Variants in DPP10 observed in about 807,000 individuals in gnomAD.
The protein encoded by DPP10 is inactive dipeptidyl peptidase 10.
In DPP10, 33 loss-of-function variants were observed where a neutral mutation model predicts 120.9. The observed-to-expected ratio is 0.27, with a 90% CI of 0.21 to 0.37. The LOEUF (loss-of-function observed/expected upper bound fraction) is 0.37, where lower values mean the gene tolerates loss of function less well. Among genes scored for constraint, DPP10 ranks in the 10% least tolerant of loss-of-function variants. DPP10 has a pLI of 1.00. For synonymous variants in DPP10, 337 were observed against 326.1 expected (o/e 1.03, Z -0.36); for missense variants, 816 against 942.8 (o/e 0.87, Z 1.76).
intron 1 of DPP10, among the ~76,000 whole-genome samples, chr2:114,892,970 C>T (rs549738604): frequency 6.6e-6 from 1 of 152,294 alleles, no homozygotes; most frequent in South Asian, 2.1e-4. Context: ...AACCAATGCT[C>T]ATTTGACACA....
At chr2:115,432,631 G>A (rs556803420) in intron 3 of DPP10, among the ~76,000 whole-genome samples, 1 of 148,322 alleles carries the variant, frequency 6.7e-6, no homozygotes, top group South Asian at 2.1e-4. Context: ...ACTTTTGAGA[G>A]ATCCTTGTTT....
At chr2:115,548,929 C>T (rs979193139) in intron 5 of DPP10, among the ~76,000 whole-genome samples, 12 of 152,134 alleles carry the variant, frequency 7.9e-5, no homozygotes, top group African/African-American at 2.9e-4. Flanking sequence ...TTCTATTTCT[C>T]TTAAAGGTAC....
chr2:115,217,378 A>AT (rs1426062445), intron 1 of DPP10, among the ~76,000 whole-genome samples: 1 of 152,180 alleles, frequency 6.6e-6, no homozygotes, highest in Admixed American at 6.5e-5. Context: ...CTCATTCAAT[A>AT]TTAATTCTGT....
At chr2:114,825,598 T>A (rs556989739) in intron 1 of DPP10, among the ~76,000 whole-genome samples, 1 of 152,378 alleles carries the variant, frequency 6.6e-6, no homozygotes, top group East Asian at 1.9e-4. Context: ...ACCGAAAGGA[T>A]GCTCAATTAT....
chr2:115,483,233 T>G (rs1388963391), intron 3 of DPP10, among the ~76,000 whole-genome samples: 2 of 152,244 alleles, frequency 1.3e-5, no homozygotes, highest in Middle Eastern at 3.4e-3. Context: ...TAATATGTAT[T>G]ATAGTATTTG....
chr2:115,150,092 G>C (rs536582296), intron 1 of DPP10, among the ~76,000 whole-genome samples: 1 of 152,304 alleles, frequency 6.6e-6, no homozygotes, highest in Admixed American at 6.5e-5. Flanking sequence ...AGAATAGATA[G>C]AAAGAGTCTC....
At chr2:115,802,887 C>G (rs1426356093) in intron 19 of DPP10, among the ~76,000 whole-genome samples, 6 of 152,106 alleles carry the variant, frequency 3.9e-5, no homozygotes, top group African/African-American at 1.4e-4. Context: ...TGGTGTGGTG[C>G]TGAAAAGAAT....
chr2:115,836,137 TATATA>T lies in DPP10; in HGVS notation c.1951-19_1951-15del. The T allele has an allele frequency of 1.4e-5, 17 of 1,241,038 alleles. No homozygotes were observed. Among genetic ancestry groups the T allele is most frequent in the South Asian group, 6.3e-5 (4 of 63,712 alleles). The allele number at this position is 1,241,038 out of a possible 1,614,324, so 76.9% of individuals were successfully genotyped here. A position where few individuals can be genotyped will look rare whatever the true frequency, so the allele number is the denominator to read the frequency against. ...TGTGTGAGATATATATATATATATA[TATATA>T]TTTTTCCCCCCCAGGGTTATGGTGG... On this transcript the variant is annotated splice_polypyrimidine_tract_variant and intron_variant, in intron 21 of 25. Transcript: ENST00000410059.
chr2:115,003,436 G>A (rs572268657), intron 1 of DPP10, among the ~76,000 whole-genome samples: 70 of 151,874 alleles, frequency 4.6e-4, no homozygotes, highest in African/African-American at 1.7e-3. Flanking sequence ...CATGGATGAT[G>A]AAATAATATA....
intron 1 of DPP10, among the ~76,000 whole-genome samples, chr2:114,714,794 C>T (rs548051417): frequency 5.3e-5 from 8 of 151,942 alleles, no homozygotes; most frequent in African/African-American, 1.9e-4. Flanking sequence ...ACTAATACAG[C>T]AAAATGATTT....
At chr2:114,752,192 C>A (rs933944307) in intron 1 of DPP10, among the ~76,000 whole-genome samples, 4 of 152,186 alleles carry the variant, frequency 2.6e-5, no homozygotes, top group Non-Finnish European at 5.9e-5. Context: ...TGTCACTACT[C>A]AGAAGGGCAG....
intron 1 of DPP10, among the ~76,000 whole-genome samples, chr2:114,853,614 C>T (rs1689143845): frequency 6.6e-6 from 1 of 152,144 alleles, no homozygotes. Flanking sequence ...GGGGGCTGCA[C>T]TTTGTGACTT....
At chr2:115,507,977 G>A (rs1183738808) in intron 4 of DPP10, among the ~76,000 whole-genome samples, 1 of 151,940 alleles carries the variant, frequency 6.6e-6, no homozygotes, top group East Asian at 1.9e-4. Flanking sequence ...TCAACTTGTT[G>A]GAAATAGAGG....
chr2:115,375,659 A>G (rs1192995910), intron 3 of DPP10, among the ~76,000 whole-genome samples: 3 of 152,194 alleles, frequency 2.0e-5, no homozygotes, highest in African/African-American at 7.2e-5. Context: ...ATAATTTATG[A>G]AGAAAAGAGG....
chr2:114,862,536 A>G (rs1455961410), intron 1 of DPP10, among the ~76,000 whole-genome samples: 3 of 152,188 alleles, frequency 2.0e-5, no homozygotes, highest in Non-Finnish European at 4.4e-5. Context: ...TCCAATTAAA[A>G]TGGTTCTCTG....
At chr2:114,488,510 A>C (rs997606822) in intron 1 of DPP10, among the ~76,000 whole-genome samples, 1 of 152,228 alleles carries the variant, frequency 6.6e-6, no homozygotes, top group Admixed American at 6.5e-5. Context: ...GCCTGTGGTC[A>C]AATGATAAAT....
intron 21 of DPP10, among the ~76,000 whole-genome samples, chr2:115,821,895 G>A (rs1687855895): frequency 6.6e-6 from 1 of 151,902 alleles, no homozygotes; most frequent in South Asian, 2.1e-4. Context: ...CATAAGAGTA[G>A]AATTGTTAAG....
intron 1 of DPP10, among the ~76,000 whole-genome samples, chr2:115,103,382 G>A (rs927440451): frequency 4.6e-5 from 7 of 151,992 alleles, no homozygotes; most frequent in African/African-American, 1.7e-4. Context: ...TACAGGCGGG[G>A]TTTCACCATG....
At chr2:115,633,487 G>A (rs534023752) in intron 5 of DPP10, among the ~76,000 whole-genome samples, 13 of 152,154 alleles carry the variant, frequency 8.5e-5, no homozygotes, top group African/African-American at 2.4e-4. Context: ...TGTAAATGAC[G>A]AGTTAATGGG....
Sources: gnomAD v4.1 joint callset for allele counts (sites outside exome capture counted in the v4.1 genomes callset) on GRCh38, gnomAD v4.1.1 for gene constraint, MANE v1.5 for transcripts, NCBI Gene and HGNC (gene_info 2026-07-23, HGNC 2026-07-21) for gene names.